The following GRM5 variants were observed in gnomAD, a reference collection of about 807,000 sequenced individuals.
GRM5 encodes the protein glutamate metabotropic receptor 5, also known as metabotropic glutamate receptor 5.
GRM5 carries 19 observed loss-of-function variants against 83.1 expected under a neutral mutation model. The ratio of observed to expected loss-of-function variants is 0.23; its 90% CI spans 0.16 to 0.34. The LOEUF is 0.34. Among genes scored for constraint, GRM5 ranks in the 10% least tolerant of loss-of-function variants. GRM5 has a pLI of 1.00. For missense variants in GRM5, 1,160 were observed against 1,588.3 expected (o/e 0.73, Z 4.58); for synonymous variants, 675 against 633.6 (o/e 1.07, Z -0.98).
intron 3 of GRM5, among the ~76,000 whole-genome samples, chr11:88,704,185 ATC>A (rs1190315702): frequency 2.0e-5 from 3 of 152,060 alleles, no homozygotes; most frequent in Non-Finnish European, 4.4e-5. Context: ...AATCCTCTTT[ATC>A]TTCCAAAAGC....
intron 8 of GRM5, among the ~76,000 whole-genome samples, chr11:88,539,438 A>G (rs1248691293): frequency 6.6e-6 from 1 of 152,200 alleles, no homozygotes; most frequent in Non-Finnish European, 1.5e-5. Context: ...ATACAATGGA[A>G]ATATTGAGGA....
intron 2 of GRM5, among the ~76,000 whole-genome samples, chr11:88,937,177 A>T (rs1016741223): frequency 1.3e-5 from 2 of 151,730 alleles, no homozygotes; most frequent in Non-Finnish European, 1.5e-5. Flanking sequence ...AGAGGGACCA[A>T]CTGGGTTTGA....
rs11020170 is a variant in GRM5 at position 88,516,209 on chromosome 11, T to C, written c.2727-6705A>G. Among the ~76,000 whole-genome samples, 778 of 152,292 alleles carry C rather than the reference T, an allele frequency of 5.1e-3. 2 individuals are homozygous for C. Among genetic ancestry groups the C allele is most frequent in the Non-Finnish European group, 8.1e-3 (551 of 68,014 alleles). On this transcript the variant is annotated intron_variant, in intron 9 of 9. Transcript: ENST00000305447. ...GAATGTTTGATATTGACAGGTATTA[T>C]TAACCTTCACTATAGATATGAGAAA... is the stretch of plus-strand genomic sequence containing the variant.
intron 2 of GRM5, among the ~76,000 whole-genome samples, chr11:88,948,928 A>C (rs1306131848): frequency 6.6e-6 from 1 of 152,216 alleles, no homozygotes; most frequent in African/African-American, 2.4e-5. Context: ...TGTTCAAAAG[A>C]GGCAACAGAT....
intron 4 of GRM5, among the ~76,000 whole-genome samples, chr11:88,647,313 G>A (rs946652350): frequency 6.6e-6 from 1 of 151,968 alleles, no homozygotes; most frequent in Non-Finnish European, 1.5e-5. Flanking sequence ...GTAGCAAGTG[G>A]TAATTCAACC....
intron 2 of GRM5, among the ~76,000 whole-genome samples, chr11:88,858,477 A>G (rs988090149): frequency 2.6e-5 from 4 of 152,064 alleles, no homozygotes; most frequent in African/African-American, 7.2e-5. Flanking sequence ...GCTATCAAGT[A>G]TGGAGTTAGA....
At chr11:89,025,150 A>T (rs1045535142) in intron 2 of GRM5, among the ~76,000 whole-genome samples, 31 of 152,172 alleles carry the variant, frequency 2.0e-4, no homozygotes, top group Non-Finnish European at 7.4e-5. Flanking sequence ...TAAGGAAAAA[A>T]ATGTTATGAA....
chr11:88,531,163 G>A (rs1006089578), intron 8 of GRM5, among the ~76,000 whole-genome samples: 5 of 152,136 alleles, frequency 3.3e-5, no homozygotes, highest in African/African-American at 9.7e-5. Context: ...AAGCAGCGTT[G>A]AGTTGCTGAC....
At chr11:89,009,113 A>T in intron 2 of GRM5, 1 of 722,632 alleles carries the variant, frequency 1.4e-6, no homozygotes, top group East Asian at 2.6e-5. Flanking sequence ...AAATAAAAAT[A>T]AAAAACCTTA....
At chr11:88,674,949 T>C (rs576764997) in intron 3 of GRM5, among the ~76,000 whole-genome samples, 1 of 152,124 alleles carries the variant, frequency 6.6e-6, no homozygotes, top group East Asian at 1.9e-4. Flanking sequence ...CTCAGTAGTC[T>C]TTCTTTTCAT....
At chr11:88,792,699 G>A (rs1422696990) in intron 3 of GRM5, among the ~76,000 whole-genome samples, 1 of 151,964 alleles carries the variant, frequency 6.6e-6, no homozygotes, top group African/African-American at 2.4e-5. Context: ...AACATACTGA[G>A]GTATTTGGGA....
At chr11:88,872,958 T>C (rs1461754886) in intron 2 of GRM5, among the ~76,000 whole-genome samples, 3 of 139,732 alleles carry the variant, frequency 2.1e-5, no homozygotes, top group Non-Finnish European at 4.6e-5. Context: ...TATATGCTCA[T>C]ACAAGAAACT....
chr11:88,875,053 A>G (rs1424705043), intron 2 of GRM5, among the ~76,000 whole-genome samples: 2 of 149,116 alleles, frequency 1.3e-5, no homozygotes, highest in Non-Finnish European at 3.0e-5. Flanking sequence ...TTCTTAAAAT[A>G]ACAATGAAGT....
intron 3 of GRM5, among the ~76,000 whole-genome samples, chr11:88,795,114 A>G (rs918902646): frequency 2.0e-5 from 3 of 152,256 alleles, no homozygotes; most frequent in African/African-American, 7.2e-5. Context: ...AATTCCCATT[A>G]TATGAACATG....
At chr11:88,833,898 C>T (rs115308240) in intron 3 of GRM5, among the ~76,000 whole-genome samples, 3,877 of 152,150 alleles carry the variant, frequency 0.025, 173 homozygotes, top group African/African-American at 0.089. Context: ...TTCTCACTCA[C>T]ATATGTGGGA....
At chr11:88,899,483 G>A (rs1945284119) in intron 2 of GRM5, among the ~76,000 whole-genome samples, 1 of 151,790 alleles carries the variant, frequency 6.6e-6, no homozygotes, top group African/African-American at 2.4e-5. Flanking sequence ...TATTTATGAG[G>A]GAAAGAACTG....
Position 88,728,867 on chromosome 11 carries a change from A to G in GRM5, c.912-75464T>C, listed in dbSNP as rs1431198681. Among the ~76,000 whole-genome samples, 3 of 152,206 alleles carry G rather than the reference A, an allele frequency of 2.0e-5. No homozygotes were observed. The East Asian group carries it at 5.8e-4, about 29-fold the overall frequency. On this transcript the variant is annotated intron_variant, in intron 3 of 9. Transcript: ENST00000305447. ...TCTCAATAAACTAGGTATTGATGGA[A>G]CGTATCTCAAAATAATAAGTTATTT... is the stretch of plus-strand genomic sequence containing the variant.
At chr11:89,057,501 C>A (rs892457075) in intron 1 of GRM5, among the ~76,000 whole-genome samples, 6 of 152,114 alleles carry the variant, frequency 3.9e-5, no homozygotes, top group African/African-American at 1.4e-4. Flanking sequence ...GTAATTTTAT[C>A]CATTAATTAA....
chr11:88,827,443 T>C (rs1051320876), intron 3 of GRM5, among the ~76,000 whole-genome samples: 2 of 152,238 alleles, frequency 1.3e-5, no homozygotes, highest in Non-Finnish European at 2.9e-5. Flanking sequence ...TCTACAAATA[T>C]GTTATGCTCT....
Sources: gnomAD v4.1 joint callset for allele counts (sites outside exome capture counted in the v4.1 genomes callset) on GRCh38, gnomAD v4.1.1 for gene constraint, MANE v1.5 for transcripts, NCBI Gene and HGNC (gene_info 2026-07-23, HGNC 2026-07-21) for gene names.